Variants in ZNF444 observed in about 807,000 individuals in gnomAD.
ZNF444 encodes zinc finger protein 444.
ZNF444 carries 8 observed loss-of-function variants against 14.4 expected under a neutral mutation model. The observed-to-expected ratio is 0.56, with a 90% CI of 0.33 to 1.00. The LOEUF (loss-of-function observed/expected upper bound fraction) is 1.00. ZNF444 is among the 50% of genes least tolerant of loss of function. ZNF444 has a pLI of 0.03. For synonymous variants in ZNF444, 258 were observed against 235.9 expected, an observed-to-expected ratio of 1.09 and a Z score of -0.86; for missense variants, 510 against 504.8, an observed-to-expected ratio of 1.01 and a Z score of -0.10.
At chr19:56,157,886 C>G (rs1206874322) in intron 3 of ZNF444, 1 of 152,222 alleles carries the variant, frequency 6.6e-6, no homozygotes, top group East Asian at 1.9e-4. Context: ...GAAGAAACCA[C>G]AACGAGTTGG....
At chr19:56,132,939 T>TTTA (rs1381670971) in intron 1 of ZNF444, among the ~76,000 whole-genome samples, 1 of 119,878 alleles carries the variant, frequency 8.3e-6, no homozygotes, top group Non-Finnish European at 1.8e-5. Context: ...TTCTTTCTTT[T>TTTA]TTTTTTTTTT....
Position 56,153,397 on chromosome 19 carries a change from G to T in ZNF444, c.298-5097G>T, listed in dbSNP as rs1030207709. Among the ~76,000 whole-genome samples, 5 of 152,286 alleles carry T rather than the reference G, an allele frequency of 3.3e-5. No homozygotes were observed. The South Asian group carries it at 1.0e-3, about 32-fold the overall frequency. On this transcript the variant is annotated intron_variant, in intron 3 of 4. Coordinates refer to ENST00000337080, the MANE Select transcript of ZNF444 (RefSeq NM_018337.4). ...TCCCTGGAGCTCAGGATGGTGCTGG[G>T]CACATAGTAGGTGCTACAAAAATAC...
rs1345577686 is a variant in ZNF444, at chr19:56,158,622, G to C, written c.406+20G>C. The stretch of plus-strand genomic sequence containing the variant: ...CCTTAGGTGAGCTGCTGGCCTCTCT[G>C]GTTCTCCCCGCCAGCCCCCAGCACC... On this transcript the variant is annotated intron_variant, in intron 4 of 4. Transcript: ENST00000337080. 1 of 1,583,440 alleles carries C rather than the reference G, an allele frequency of 6.3e-7. No individual in the cohort carries two copies. The highest frequency in any genetic ancestry group is 8.6e-7 in the Non-Finnish European group (1 of 1,162,784).
At chr19:56,156,875 A>G (rs927888103) in intron 3 of ZNF444, 19 of 152,252 alleles carry the variant, frequency 1.2e-4, no homozygotes, top group Admixed American at 3.9e-4. Context: ...CCTGTGGACA[A>G]TGCCTGGCCA....
At chr19:56,140,744 A>G (rs960836227), upstream of ZNF444, among the ~76,000 whole-genome samples, 2 of 151,542 alleles carry the variant, frequency 1.3e-5, no homozygotes, top group Admixed American at 6.7e-5. Context: ...TTGGCGCAGA[A>G]CTCTAGCCTG....
At chr19:56,137,996 C>A (rs189944160), upstream of ZNF444, among the ~76,000 whole-genome samples, 5 of 151,878 alleles carry the variant, frequency 3.3e-5, no homozygotes, top group Non-Finnish European at 1.5e-5. Context: ...TGGTGGCGGG[C>A]GCCTGTAATC....
At position 56,146,966 on chromosome 19, in the gene ZNF444, C is replaced by T. The variant is rs781116038; in HGVS notation, c.55C>T (p.Pro19Ser). The T allele has an allele frequency of 6.2e-6, 9 of 1,443,616 alleles. No individual in the cohort carries two copies. The highest frequency in any genetic ancestry group is 5.7e-5 in the South Asian group (4 of 70,044). 89.4% of individuals were successfully genotyped at this position (1,443,616 alleles called of 1,614,324 possible). ...QEAEGLALDS[P>S]WHRFRRFHLG... is the part of the protein sequence containing the mutation. ...GGCCGAGGGCCTGGCGCTGGACTCC[C>T]CGTGGCACCGCTTCCGCCGCTTCCA... Residue 19 changes from proline to serine, a missense_variant, in exon 3 of 5, where the codon CCG becomes TCG. Pro to Ser is a moderately conservative substitution (Grantham distance 74, BLOSUM62 -1). Coordinates refer to ENST00000337080, the MANE Select transcript of ZNF444 (RefSeq NM_018337.4).
At chr19:56,156,523 T>C (rs921730453) in intron 3 of ZNF444, 11 of 152,114 alleles carry the variant, frequency 7.2e-5, no homozygotes, top group African/African-American at 2.2e-4. Context: ...ATCAGACAAA[T>C]TAGGTCAGAA....
In ZNF444 at chr19:56,147,194, C is replaced by T. The variant is rs879910728; in HGVS notation, c.283C>T (p.Leu95=). 9.7e-6 allele frequency: 14 copies of T among 1,449,892 alleles called. No homozygotes were observed. Among genetic ancestry groups the T allele is most frequent in the South Asian group, 2.8e-5 (2 of 71,452 alleles). The allele number at this position is 1,449,892 out of a possible 1,614,324, so 89.8% of individuals were successfully genotyped here. ...GAGCGGGGAGGAGGCGGTGGCCCTG[C>T]TGGAGGAGCTCTGGGTGAGCCTGGC... ...PQSGEEAVAL[L]EELWGPAASP... Residue 95 remains leucine, a synonymous_variant, in exon 3 of 5, where the codon CTG becomes TTG. Coordinates refer to ENST00000337080, the MANE Select transcript of ZNF444 (RefSeq NM_018337.4). The surrounding 1 kb of genome is among the most constrained non-coding windows in gnomAD (Gnocchi z 5.9).
At position 56,159,651 on chromosome 19, in the gene ZNF444, C is replaced by A; in HGVS notation, c.434C>A (p.Pro145Gln). The A allele has an allele frequency of 6.8e-7, 1 of 1,459,884 alleles. No individual in the cohort carries two copies. The allele number at this position is 1,459,884 out of a possible 1,614,324, so 90.4% of individuals were successfully genotyped here. A position where few individuals can be genotyped will look rare whatever the true frequency, so the allele number is the denominator to read the frequency against. ...GGCACCGCCCCTGGGGCTGAGGGGC[C>A]GGCGCCTGGGGACTCCCAGGCTGTG... ...LAGTAPGAEG[P>Q]APGDSQAVRP... Residue 145 changes from proline to glutamine, a missense_variant, in exon 5 of 5, where the codon CCG becomes CAG. By Grantham distance (76) the Pro-to-Gln change is moderately conservative. Transcript: ENST00000337080.
At chr19:56,150,180 C>T in intron 3 of ZNF444, 1 of 194,162 alleles carries the variant, frequency 5.2e-6, no homozygotes, top group South Asian at 9.1e-5. Flanking sequence ...ATTTCAGCCA[C>T]TGTTACCACT....
intron 1 of ZNF444, among the ~76,000 whole-genome samples, chr19:56,134,365 C>G (rs1279371133): frequency 6.6e-6 from 1 of 152,240 alleles, no homozygotes; most frequent in South Asian, 2.1e-4. Flanking sequence ...TGCCTTCACT[C>G]TTATTTACTC....
rs541537556 is a variant in ZNF444 at position 56,156,715 on chromosome 19, G to A, written c.298-1779G>A. 3 of 152,416 alleles carry A rather than the reference G, an allele frequency of 2.0e-5. 1 individual carries two copies. The highest frequency in any genetic ancestry group is 2.1e-4 in the South Asian group (1 of 4,828). 9.4% of individuals were successfully genotyped at this position (152,416 alleles called of 1,614,324 possible). On this transcript the variant is annotated intron_variant, in intron 3 of 4. Transcript: ENST00000337080. Reference sequence around the variant, plus strand: ...GTAACAAGGGCTGTGGGAGTCATGAGCCAGGAGCCGTGGACAGAGCCCAAT... The same window carrying A: ...GTAACAAGGGCTGTGGGAGTCATGAACCAGGAGCCGTGGACAGAGCCCAAT...
chr19:56,146,604 A>C (rs1050055573), intron 2 of ZNF444, among the ~76,000 whole-genome samples, 184 bp downstream of exon 2: 5 of 152,184 alleles, frequency 3.3e-5, no homozygotes, highest in Non-Finnish European at 5.9e-5. Flanking sequence ...AGCCTGGCCA[A>C]CATGGTGAAA....
At chr19:56,136,111 AAAGGACCCGCTCCTTATTGGGCCCTT>A (rs2030605103) in intron 1 of ZNF444, among the ~76,000 whole-genome samples, 1 of 151,264 alleles carries the variant, frequency 6.6e-6, no homozygotes, top group Non-Finnish European at 1.5e-5. Flanking sequence ...AGCTAAAAAA[AAAGGACCCGCTCCTTATTGGGCCCTT>A]GGGCCCTTAT....
At position 56,146,929 on chromosome 19, in the gene ZNF444, C is replaced by T. The variant is rs766600816; in HGVS notation, c.18C>T (p.Pro6=). The change falls in exon 3 of 5, where the codon CCC becomes CCT. Residue 6 remains proline (P), a synonymous_variant. Coordinates refer to ENST00000337080, the MANE Select transcript of ZNF444 (RefSeq NM_018337.4). ...GAGGCCCCATGGAGGTGGCGGTGCCCGTGAAGCAGGAGGCCGAGGGCCTGG... is the reference window on the plus strand; with the variant it reads ...GAGGCCCCATGGAGGTGGCGGTGCCTGTGAAGCAGGAGGCCGAGGGCCTGG... MEVAV[P]VKQEAEGLAL... The T allele has an allele frequency of 1.4e-5, 20 of 1,440,152 alleles. No homozygotes were observed. The highest frequency in any genetic ancestry group is 3.0e-5 in the African/African-American group (2 of 66,770). The allele number at this position is 1,440,152 out of a possible 1,614,324, so 89.2% of individuals were successfully genotyped here. A position where few individuals can be genotyped will look rare whatever the true frequency, so the allele number is the denominator to read the frequency against.
chr19:56,160,536 TCTCTCCCTGCC>T lies in ZNF444; in HGVS notation c.*338_*348del, dbSNP rs2032232468. 1 of 287,206 alleles carries T rather than the reference TCTCTCCCTGCC, an allele frequency of 3.5e-6. No individual in the cohort carries two copies. Among genetic ancestry groups the T allele is most frequent in the Non-Finnish European group, 6.5e-6 (1 of 154,878 alleles). The allele number at this position is 287,206 out of a possible 1,614,324, so 17.8% of individuals were successfully genotyped here. A position where few individuals can be genotyped will look rare whatever the true frequency, so the allele number is the denominator to read the frequency against. On this transcript the variant is annotated 3_prime_UTR_variant, in exon 5 of 5. Coordinates refer to ENST00000337080, the MANE Select transcript of ZNF444 (RefSeq NM_018337.4). The stretch of plus-strand genomic sequence containing the variant: ...AGCCTCCCTCTCCCTCCTCCATTCC[TCTCTCCCTGCC>T]CTTTTCCTGCCTGAAGAGCAGAGGT...
chr19:56,152,157 C>T (rs150180824), intron 3 of ZNF444, among the ~76,000 whole-genome samples: 2,254 of 152,200 alleles, frequency 0.015, 27 homozygotes, highest in Non-Finnish European at 0.024. Context: ...CATGGCAAAA[C>T]TGCGTCTCTA....
At position 56,144,893 on chromosome 19, in the gene ZNF444, C is replaced by T. The variant is rs898653201; in HGVS notation, c.-196-1354C>T. Among the ~76,000 whole-genome samples, 2 of 152,238 alleles carry T rather than the reference C, an allele frequency of 1.3e-5. No individual in the cohort carries two copies. The highest frequency in any genetic ancestry group is 2.9e-5 in the Non-Finnish European group (2 of 68,042). On this transcript the variant is annotated intron_variant, in intron 1 of 4. Transcript: ENST00000337080. The surrounding 1 kb of genome is among the most constrained non-coding windows in gnomAD (Gnocchi z 4.0). Reference sequence around the variant, plus strand: ...GAGCCCCATGGGGTCATCAGGGTCCCTTCTGTCTTGATCTTCCAGTGTCCT... The same window carrying T: ...GAGCCCCATGGGGTCATCAGGGTCCTTTCTGTCTTGATCTTCCAGTGTCCT...
Sources: allele counts gnomAD v4.1 joint callset (sites outside exome capture counted in the v4.1 genomes callset), GRCh38; gene constraint gnomAD v4.1.1; non-coding constraint Gnocchi (gnomAD v3.1); transcripts MANE v1.5; gene names NCBI Gene and HGNC (gene_info 2026-07-23, HGNC 2026-07-21).